Variants in MLPH observed in about 807,000 individuals in gnomAD.
MLPH encodes exophilin-3.
MLPH carries 51 observed loss-of-function variants against 72.1 expected under a neutral mutation model. The observed-to-expected ratio is 0.71, with a 90% CI of 0.56 to 0.89. MLPH has a LOEUF of 0.89. MLPH is among the 40% of genes least tolerant of loss of function. The probability of loss-of-function intolerance (pLI) is 0.00; values close to 1 mark genes in which losing one functional copy is unlikely to be tolerated. For synonymous variants in MLPH, 301 were observed against 310.1 expected, an observed-to-expected ratio of 0.97 and a Z score of 0.31; for missense variants, 743 against 759.9, an observed-to-expected ratio of 0.98 and a Z score of 0.26.
chr2:237,521,111 G>A (rs373045221), intron 6 of MLPH, among the ~76,000 whole-genome samples: 116 of 152,304 alleles, frequency 7.6e-4, no homozygotes, highest in African/African-American at 2.7e-3. Flanking sequence ...AGATGCTGCC[G>A]ATTGTTAGAT....
At position 237,549,240 on chromosome 2, in the gene MLPH, T is replaced by C. The variant is rs747536930; in HGVS notation, c.1637T>C (p.Leu546Pro). 1 of 1,614,172 alleles carries C rather than the reference T, an allele frequency of 6.2e-7. No individual in the cohort carries two copies. Among genetic ancestry groups the C allele is most frequent in the Non-Finnish European group, 8.5e-7 (1 of 1,180,014 alleles). The change falls in exon 14 of 16, where the codon CTT (leucine) becomes CCT (proline). Residue 546 changes from leucine to proline, a missense_variant. By Grantham distance (98) the Leu-to-Pro change is moderately conservative. Coordinates refer to ENST00000264605, the MANE Select transcript of MLPH (RefSeq NM_024101.7). ...SEAKAMAVPY[L>P]LRRKFSNSLK... ...TTCTAGGCAATGGCTGTGCCCTATC[T>C]TCTGAGAAGAAAGTTCAGTAATTCC... is the stretch of plus-strand genomic sequence containing the variant.
intron 13 of MLPH, among the ~76,000 whole-genome samples, chr2:237,548,681 A>G (rs1375095406): frequency 6.6e-6 from 1 of 152,206 alleles, no homozygotes; most frequent in Non-Finnish European, 1.5e-5. Context: ...ATTCTGGCTA[A>G]CACGGTGAAA....
intron 8 of MLPH, among the ~76,000 whole-genome samples, chr2:237,531,942 T>C (rs960686578): frequency 5.3e-5 from 8 of 152,250 alleles, no homozygotes; most frequent in Non-Finnish European, 8.8e-5. Context: ...CTGTGAAACA[T>C]GTCCTCTCAA....
rs567760295 is a variant in MLPH, at chr2:237,535,448, G to T, written c.1104+801G>T. On this transcript the variant is annotated intron_variant, in intron 9 of 15. Coordinates refer to ENST00000264605, the MANE Select transcript of MLPH (RefSeq NM_024101.7). The stretch of plus-strand genomic sequence containing the variant: ...CAGCACACCGAGACAACCTGATGGG[G>T]AGTAAATAAAACAAACCATGGCCTG... Among the ~76,000 whole-genome samples the T allele has an allele frequency of 3.3e-4, 50 of 152,060 alleles. 1 individual carries two copies. In the South Asian group the frequency reaches 9.4e-3, roughly 29 times the overall value.
rs1334684493 is a variant in MLPH, at chr2:237,555,008, C to T, written c.*1416C>T. 1 of 152,138 alleles carries T rather than the reference C, an allele frequency of 6.6e-6. No individual in the cohort carries two copies. The highest frequency in any genetic ancestry group is 2.4e-5 in the African/African-American group (1 of 41,416). 9.4% of individuals were successfully genotyped at this position (152,138 alleles called of 1,614,324 possible). ...TTCAGGCTAGGTAAGGTGGCTCATA[C>T]CTATAATCCCAGCCCTTTGAGAGGC... On this transcript the variant is annotated 3_prime_UTR_variant, in exon 16 of 16. Coordinates refer to ENST00000264605, the MANE Select transcript of MLPH (RefSeq NM_024101.7).
chr2:237,514,501 T>C (rs1431834497), intron 4 of MLPH, among the ~76,000 whole-genome samples: 1 of 152,190 alleles, frequency 6.6e-6, no homozygotes, highest in Non-Finnish European at 1.5e-5. Flanking sequence ...TACTGGTTTC[T>C]ATGTCCTGCC....
chr2:237,542,906 G>A (rs1277273116), intron 12 of MLPH, among the ~76,000 whole-genome samples: 2 of 46,394 alleles, frequency 4.3e-5, no homozygotes, highest in Admixed American at 2.2e-4. Context: ...TAGTGAGTGG[G>A]GGGACAGTGG....
rs1162831813 is a variant in MLPH, at chr2:237,505,941, T to C, written c.111-4633T>C. 5.9e-5 allele frequency among the ~76,000 whole-genome samples: 9 copies of C among 152,162 alleles called. No homozygotes were observed. The highest frequency in any genetic ancestry group is 1.2e-4 in the Non-Finnish European group (8 of 68,024). On this transcript the variant is annotated intron_variant, in intron 2 of 15. Coordinates refer to ENST00000264605, the MANE Select transcript of MLPH (RefSeq NM_024101.7). The surrounding 1 kb of genome is among the most constrained non-coding windows in gnomAD (Gnocchi z 4.5). ...GGACAGCACTTCCCTTCCACCCCCA[T>C]GCATCCCCGTCTCCAGGGCTCTGTC...
At chr2:237,517,450 CATGG>C (rs1175688144) in intron 4 of MLPH, among the ~76,000 whole-genome samples, 3 of 127,442 alleles carry the variant, frequency 2.4e-5, no homozygotes, top group African/African-American at 8.6e-5. Context: ...TGGATGGATG[CATGG>C]ATGGATGGAT....
chr2:237,489,911 C>G (rs2079394140), intron 1 of MLPH, among the ~76,000 whole-genome samples: 1 of 152,176 alleles, frequency 6.6e-6, no homozygotes, highest in Admixed American at 6.5e-5. Context: ...CTTATAAAAC[C>G]AGCTCCACTC....
chr2:237,525,595 G>T lies in MLPH; in HGVS notation c.676-6G>T. On this transcript the variant is annotated splice_region_variant and splice_polypyrimidine_tract_variant and intron_variant, in intron 6 of 15. Coordinates refer to ENST00000264605, the MANE Select transcript of MLPH (RefSeq NM_024101.7). The stretch of plus-strand genomic sequence containing the variant: ...GCAGAGGAGGCTGACAGCCCCATGT[G>T]CTTAGTCCCTCACAGATGAGTCCTG... 2 of 1,614,084 alleles carry T rather than the reference G, an allele frequency of 1.2e-6. No homozygotes were observed. The highest frequency in any genetic ancestry group is 1.7e-6 in the Non-Finnish European group (2 of 1,179,996).
chr2:237,526,131 G>A (rs955799017), intron 7 of MLPH, among the ~76,000 whole-genome samples: 5 of 152,208 alleles, frequency 3.3e-5, no homozygotes, highest in African/African-American at 1.2e-4. Context: ...AACCATCCTG[G>A]TCTGGGCAGG....
intron 6 of MLPH, among the ~76,000 whole-genome samples, chr2:237,522,705 G>A (rs1210461719): frequency 6.6e-6 from 1 of 152,196 alleles, no homozygotes; most frequent in Non-Finnish European, 1.5e-5. Context: ...TGGTGGATGG[G>A]AGTCAGGGAT....
chr2:237,540,505 T>C lies in MLPH; in HGVS notation c.1262T>C (p.Val421Ala), dbSNP rs754608873. The change falls in exon 10 of 16, where the codon GTT becomes GCT. Residue 421 changes from valine to alanine, a missense_variant. Transcript: ENST00000264605. Reference sequence around the variant, plus strand: ...GCAGAGCCCAACAGGGACAAATCAGTTGGGCCTCTCCCCCAGGCGGACCCG... The same window carrying C: ...GCAGAGCCCAACAGGGACAAATCAGCTGGGCCTCTCCCCCAGGCGGACCCG... ...EKAEPNRDKSVGPLPQADPEV... is the reference protein window; with the variant it reads ...EKAEPNRDKSAGPLPQADPEV... The C allele has an allele frequency of 1.2e-6, 2 of 1,612,246 alleles. No homozygotes were observed. Among genetic ancestry groups the C allele is most frequent in the Admixed American group, 1.7e-5 (1 of 59,978 alleles).
rs751845943 is a variant in MLPH at position 237,510,888 on chromosome 2, C to T, written c.332+93C>T. The T allele has an allele frequency of 1.3e-6, 2 of 1,537,376 alleles. No individual in the cohort carries two copies. The highest frequency in any genetic ancestry group is 1.8e-6 in the Non-Finnish European group (2 of 1,115,938). On this transcript the variant is annotated intron_variant, in intron 3 of 15. Transcript: ENST00000264605. The surrounding 1 kb of genome is among the most constrained non-coding windows in gnomAD (Gnocchi z 4.4). ...CTAGCTGAAGAAGGGTGGACGCACA[C>T]ATGCACACACTCGTGTGTGTGTGTG... is the stretch of plus-strand genomic sequence containing the variant.
intron 10 of MLPH, 105 bp downstream of exon 10, chr2:237,540,638 G>T (rs1240644426): frequency 1.1e-5 from 16 of 1,505,460 alleles, no homozygotes; most frequent in Non-Finnish European, 1.4e-5. Context: ...GCACCCACAG[G>T]AGCACACCAA....
chr2:237,551,977 CAAAAAA>C, intron 14 of MLPH: 1 of 158,906 alleles, frequency 6.3e-6, no homozygotes, highest in Non-Finnish European at 1.3e-5. Flanking sequence ...GACTTTGTCT[CAAAAAA>C]AAAAAAAAGA....
chr2:237,508,347 G>A (rs1302051360), intron 2 of MLPH, among the ~76,000 whole-genome samples: 1 of 152,024 alleles, frequency 6.6e-6, no homozygotes, highest in Non-Finnish European at 1.5e-5. Context: ...CCTTACCTCA[G>A]GTGATCCACC....
intron 4 of MLPH, among the ~76,000 whole-genome samples, chr2:237,513,568 CT>C (rs924840883): frequency 7.2e-5 from 11 of 151,994 alleles, no homozygotes; most frequent in African/African-American, 2.2e-4. Flanking sequence ...TGGTTTTTTT[CT>C]TTTTTTTAGC....
Sources: allele counts gnomAD v4.1 joint callset (sites outside exome capture counted in the v4.1 genomes callset), GRCh38; gene constraint gnomAD v4.1.1; non-coding constraint Gnocchi (gnomAD v3.1); transcripts MANE v1.5; gene names NCBI Gene and HGNC (gene_info 2026-07-23, HGNC 2026-07-21).